Variants in POM121C observed in about 807,000 individuals in gnomAD.
POM121C encodes POM121 transmembrane nucleoporin C.
A neutral mutation model predicts 66.4 loss-of-function variants in POM121C; 20 were observed. The ratio of observed to expected loss-of-function variants is 0.30; its 90% CI spans 0.21 to 0.44. POM121C has a LOEUF of 0.44. Among genes scored for constraint, POM121C ranks in the 20% least tolerant of loss-of-function variants. POM121C has a pLI of 1.00. For synonymous variants in POM121C, 286 were observed against 528.0 expected, an observed-to-expected ratio of 0.54 and a Z score of 6.28; for missense variants, 580 against 1,225.7, an observed-to-expected ratio of 0.47 and a Z score of 7.87.
intron 3 of POM121C, among the ~76,000 whole-genome samples, chr7:75,460,279 G>A (rs1257386187): frequency 6.8e-6 from 1 of 147,052 alleles, no homozygotes; most frequent in African/African-American, 2.7e-5. Flanking sequence ...AATCACTTGA[G>A]CTCAGGAGTT....
At chr7:75,477,775 A>T (rs1253869127) in intron 1 of POM121C, among the ~76,000 whole-genome samples, 2 of 150,520 alleles carry the variant, frequency 1.3e-5, no homozygotes, top group Non-Finnish European at 3.0e-5. Flanking sequence ...CAAAGAAAAT[A>T]ATATATATAT....
In POM121C at chr7:75,438,700, C is replaced by G. The variant is rs2116399790; in HGVS notation, c.308+444G>C. Among the ~76,000 whole-genome samples the G allele has an allele frequency of 1.3e-5, 2 of 152,338 alleles. 1 individual carries two copies. Among genetic ancestry groups the G allele is most frequent in the South Asian group, 4.1e-4 (2 of 4,828 alleles). On this transcript the variant is annotated intron_variant, in intron 6 of 14. Coordinates refer to ENST00000615331, the MANE Select transcript of POM121C (RefSeq NM_001099415.3). Reference sequence around the variant, plus strand: ...AGGAGCACTTTAGCTTTCCTGGTGGCCACATCACACTGCTGACTCAGATGA... The same window carrying G: ...AGGAGCACTTTAGCTTTCCTGGTGGGCACATCACACTGCTGACTCAGATGA...
chr7:75,451,895 G>T (rs587747779), intron 3 of POM121C, among the ~76,000 whole-genome samples: 1 of 151,258 alleles, frequency 6.6e-6, no homozygotes, highest in Non-Finnish European at 1.5e-5. Context: ...CGCCAGGCAC[G>T]ATGGCTCACG....
intron 7 of POM121C, among the ~76,000 whole-genome samples, chr7:75,427,635 C>T (rs1248585952): frequency 1.3e-5 from 2 of 151,642 alleles, no homozygotes; most frequent in African/African-American, 4.9e-5. Flanking sequence ...TGGCACAGAG[C>T]GGACACTGCA....
chr7:75,447,984 A>C (rs1171780435), intron 3 of POM121C, among the ~76,000 whole-genome samples: 1 of 151,072 alleles, frequency 6.6e-6, no homozygotes, highest in African/African-American at 2.4e-5. Flanking sequence ...AGATCGCGCC[A>C]CTGCACTCCA....
rs1262820741 is a variant in POM121C, at chr7:75,474,684, T to C, written c.-152+20A>G. On this transcript the variant is annotated intron_variant, in intron 3 of 14. Transcript: ENST00000615331. ...GTCTGGGATGAGCATTTTTTAACAT[T>C]TGATACTCTACTAACTTACCAGGAC... The C allele has an allele frequency of 1.4e-5, 19 of 1,354,404 alleles. No individual in the cohort carries two copies. In the African/African-American group the frequency reaches 1.4e-4, roughly 10 times the overall value. The allele number at this position is 1,354,404 out of a possible 1,614,324, so 83.9% of individuals were successfully genotyped here. A position where few individuals can be genotyped will look rare whatever the true frequency, so the allele number is the denominator to read the frequency against.
chr7:75,475,358 A>G (rs1554479235), intron 1 of POM121C, among the ~76,000 whole-genome samples, 170 bp from the exon 2 acceptor site: 5 of 152,158 alleles, frequency 3.3e-5, no homozygotes, highest in Non-Finnish European at 7.4e-5. Context: ...GGTCCTTTAT[A>G]TATATACAAA....
chr7:75,440,920 G>A, intron 5 of POM121C, 34 bp downstream of exon 5: 1 of 1,613,810 alleles, frequency 6.2e-7, no homozygotes, highest in South Asian at 1.1e-5. Context: ...GGTCCAAGCG[G>A]GAAACTGGCT....
chr7:75,421,182 C>T (rs587646756), intron 13 of POM121C: 37 of 569,268 alleles, frequency 6.5e-5, no homozygotes, highest in South Asian at 2.0e-4. Context: ...CGCCAAGTTG[C>T]CCAGGCTGGT....
chr7:75,419,272 C>T, intron 14 of POM121C, 48 bp downstream of exon 14: 1 of 1,567,952 alleles, frequency 6.4e-7, no homozygotes, highest in Non-Finnish European at 8.6e-7. Context: ...CCCCACCCAA[C>T]CTCTCCTCAG....
intron 3 of POM121C, among the ~76,000 whole-genome samples, chr7:75,472,825 G>A (rs1332201768): frequency 2.7e-5 from 4 of 148,152 alleles, no homozygotes; most frequent in African/African-American, 7.9e-5. Context: ...AGGAAGGAAG[G>A]GAGGGAGGGA....
chr7:75,470,981 A>G (rs2116514404), intron 3 of POM121C, among the ~76,000 whole-genome samples: 1 of 152,016 alleles, frequency 6.6e-6, no homozygotes, highest in East Asian at 1.9e-4. Flanking sequence ...TTTAAATGGA[A>G]GCACAATCTG....
At chr7:75,438,596 T>G (rs1376521403) in intron 6 of POM121C, among the ~76,000 whole-genome samples, 1 of 152,240 alleles carries the variant, frequency 6.6e-6, no homozygotes, top group Non-Finnish European at 1.5e-5. Context: ...CTGACCACAG[T>G]GCTCCACGGA....
chr7:75,439,306 C>A, intron 5 of POM121C, 82 bp from the exon 6 acceptor site: 1 of 1,553,634 alleles, frequency 6.4e-7, no homozygotes, highest in East Asian at 2.2e-5. Context: ...TTTCTGGGAC[C>A]TTATACTATC....
rs2116305540 is a variant in POM121C, at chr7:75,417,138, C to T, written c.*1658G>A. The T allele has an allele frequency of 9.9e-7, 1 of 1,005,490 alleles. No individual in the cohort carries two copies. The highest frequency in any genetic ancestry group is 1.2e-6 in the Non-Finnish European group (1 of 839,116). 62.3% of individuals were successfully genotyped at this position (1,005,490 alleles called of 1,614,324 possible). On this transcript the variant is annotated 3_prime_UTR_variant, in exon 15 of 15. Transcript: ENST00000615331. ...GGCTTGAGGTTCACTCCCTCCTCAG[C>T]TGCACACGCAGCCAGGTATAACACT...
At chr7:75,460,836 G>C (rs1163108093) in intron 3 of POM121C, among the ~76,000 whole-genome samples, 2 of 152,084 alleles carry the variant, frequency 1.3e-5, no homozygotes, top group Non-Finnish European at 2.9e-5. Flanking sequence ...GGGTCCAATG[G>C]GTCTCTGAGG....
intron 3 of POM121C, among the ~76,000 whole-genome samples, chr7:75,444,097 T>TCAG (rs1790755472): frequency 1.8e-5 from 2 of 112,580 alleles, no homozygotes; most frequent in Non-Finnish European, 4.0e-5. Context: ...TAGGGTGTTT[T>TCAG]GGGGATAGAA....
chr7:75,442,323 G>C (rs1167439358), intron 3 of POM121C: 1 of 1,411,130 alleles, frequency 7.1e-7, no homozygotes, highest in African/African-American at 1.5e-5. Flanking sequence ...GGCTGCGGCG[G>C]CCCGGGCTTG....
At chr7:75,468,118 ACT>A (rs1452052538) in intron 3 of POM121C, among the ~76,000 whole-genome samples, 17 of 121,244 alleles carry the variant, frequency 1.4e-4, no homozygotes, top group Admixed American at 1.3e-3. Context: ...GGCAACAGAG[ACT>A]CTGTCTAAAA....
Sources: allele counts gnomAD v4.1 joint callset (sites outside exome capture counted in the v4.1 genomes callset), GRCh38; gene constraint gnomAD v4.1.1; transcripts MANE v1.5; gene names NCBI Gene and HGNC (gene_info 2026-07-23, HGNC 2026-07-21).